Variants in ZNF423 observed in about 807,000 individuals in gnomAD.
ZNF423 encodes the protein zinc finger protein 423.
In ZNF423, 12 loss-of-function variants were observed where a neutral mutation model predicts 95.8. The observed-to-expected ratio is 0.13, with a 90% CI of 0.08 to 0.20. The LOEUF (loss-of-function observed/expected upper bound fraction) is 0.20, where lower values mean the gene tolerates loss of function less well. ZNF423 is among the 10% of genes least tolerant of loss of function. ZNF423 has a pLI of 1.00. For missense variants in ZNF423, 1,316 were observed against 1,737.1 expected (o/e 0.76, Z 4.31); for synonymous variants, 749 against 711.9 (o/e 1.05, Z -0.83).
chr16:49,786,707 G>A (rs192479206), intron 2 of ZNF423, among the ~76,000 whole-genome samples: 5 of 152,318 alleles, frequency 3.3e-5, no homozygotes, highest in East Asian at 3.9e-4. Context: ...ACTTGGGTTC[G>A]AGTCCCTGAT....
At position 49,795,422 on chromosome 16, in the gene ZNF423, C is replaced by T. The variant is rs2080355; in HGVS notation, c.41-5876G>A. Among the ~76,000 whole-genome samples, 577 of 152,316 alleles carry T rather than the reference C, an allele frequency of 3.8e-3. 3 individuals are homozygous for T. The highest frequency in any genetic ancestry group is 0.012 in the African/African-American group (498 of 41,564). On this transcript the variant is annotated intron_variant, in intron 1 of 7. Transcript: ENST00000563137. ...CGGCCTTGAGCACAAACCACTCCTG[C>T]CTGGGGTCAGGCAGGCACTGAACAG...
At chr16:49,677,292 A>AGAAGGGAAGGGAAGGGAAGGGAAGG (rs2031125070) in intron 3 of ZNF423, among the ~76,000 whole-genome samples, 1 of 81,126 alleles carries the variant, frequency 1.2e-5, no homozygotes. Context: ...AGAAGAGAAG[A>AGAAGGGAAGGGAAGGGAAGGGAAGG]GAAGAGAAGA....
chr16:49,852,524 A>G (rs2035313017), intron 1 of ZNF423, among the ~76,000 whole-genome samples: 1 of 152,158 alleles, frequency 6.6e-6, no homozygotes, highest in Non-Finnish European at 1.5e-5. Flanking sequence ...ATCGGCCGAA[A>G]TAACATCAGT....
At chr16:49,763,887 G>A (rs1384790437) in intron 2 of ZNF423, among the ~76,000 whole-genome samples, 5 of 152,156 alleles carry the variant, frequency 3.3e-5, no homozygotes, top group Non-Finnish European at 1.5e-5. Context: ...TGGGTAGCTC[G>A]TTTAAGGTTT....
At chr16:49,854,086 C>T (rs1243890251) in intron 1 of ZNF423, 2 of 985,200 alleles carry the variant, frequency 2.0e-6, no homozygotes, top group Admixed American at 1.2e-4. Flanking sequence ...AAACATCCAC[C>T]CTTCTTTCCC....
intron 3 of ZNF423, among the ~76,000 whole-genome samples, chr16:49,727,065 G>A (rs143470237): frequency 4.7e-4 from 71 of 152,194 alleles, no homozygotes; most frequent in African/African-American, 1.6e-3. Context: ...GAATGGAGAG[G>A]ACTGGATTTT....
chr16:49,768,364 C>T (rs554546535), intron 2 of ZNF423, among the ~76,000 whole-genome samples: 18 of 152,350 alleles, frequency 1.2e-4, no homozygotes, highest in South Asian at 8.3e-4. Context: ...TTAGCAGATC[C>T]GGCTCCCGCA....
chr16:49,505,509 C>T (rs1258821307), intron 7 of ZNF423, among the ~76,000 whole-genome samples: 16 of 151,914 alleles, frequency 1.1e-4, no homozygotes, highest in Non-Finnish European at 1.5e-5. Flanking sequence ...CAAGAATGGC[C>T]CCCAGCCCCT....
chr16:49,551,740 T>C lies in ZNF423; in HGVS notation c.3602-26246A>G, dbSNP rs370590720. ...CCTCGGGGGCACAGCTGAGCCAGAGTGGGTGGGGGCTGGAAGACAAGGAGC... is the reference window on the plus strand; with the variant it reads ...CCTCGGGGGCACAGCTGAGCCAGAGCGGGTGGGGGCTGGAAGACAAGGAGC... On this transcript the variant is annotated intron_variant, in intron 5 of 7. Coordinates refer to ENST00000563137, the MANE Select transcript of ZNF423 (RefSeq NM_001379286.1). 6.0e-5 allele frequency among the ~76,000 whole-genome samples: 9 copies of C among 150,884 alleles called. No individual in the cohort carries two copies. In the East Asian group the frequency reaches 1.8e-3, roughly 30 times the overall value.
chr16:49,778,590 G>A (rs368921705), intron 2 of ZNF423, among the ~76,000 whole-genome samples: 14 of 135,998 alleles, frequency 1.0e-4, no homozygotes, highest in African/African-American at 3.8e-4. Context: ...CACCAACCAC[G>A]GTGAACAAGA....
chr16:49,574,141 T>A (rs541017168), intron 5 of ZNF423, among the ~76,000 whole-genome samples: 47 of 152,296 alleles, frequency 3.1e-4, no homozygotes, highest in African/African-American at 8.7e-4. Flanking sequence ...CCCAGCTCTT[T>A]GGGAGGCTGA....
chr16:49,831,742 G>A (rs1239522773), intron 1 of ZNF423, among the ~76,000 whole-genome samples: 1 of 152,110 alleles, frequency 6.6e-6, no homozygotes, highest in Non-Finnish European at 1.5e-5. Context: ...TGTAATCCCA[G>A]CACTTTGGTA....
chr16:49,657,797 G>A (rs907529491), intron 3 of ZNF423, among the ~76,000 whole-genome samples: 3 of 152,160 alleles, frequency 2.0e-5, no homozygotes, highest in African/African-American at 7.2e-5. Context: ...TCTGTGTTCA[G>A]GGGTCCTCCC....
At chr16:49,602,455 C>T (rs1971404000) in intron 5 of ZNF423, among the ~76,000 whole-genome samples, 1 of 152,204 alleles carries the variant, frequency 6.6e-6, no homozygotes, top group Non-Finnish European at 1.5e-5. Flanking sequence ...AGAACCAGGT[C>T]AGCTGGCAGG....
chr16:49,658,169 T>C (rs1345720815), intron 3 of ZNF423, among the ~76,000 whole-genome samples: 2 of 152,238 alleles, frequency 1.3e-5, no homozygotes, highest in Non-Finnish European at 2.9e-5. Context: ...CAAGTCCTGC[T>C]GCCCTGGCCC....
Position 49,638,820 on chromosome 16 carries a change from T to C in ZNF423, c.356A>G (p.Asp119Gly). 6.2e-7 allele frequency: 1 copy of C among 1,613,722 alleles called. No homozygotes were observed. The highest frequency in any genetic ancestry group is 8.5e-7 in the Non-Finnish European group (1 of 1,179,778). ...SWVASSPSSK[D>G]VASPTQMIGD... ...GATCATCTGCGTGGGTGACGCAACA[T>C]CCTTGCTGGAGGGAGACGAGGCCAC... Residue 119 changes from aspartate to glycine, a missense_variant, in exon 4 of 8, where the codon GAT (aspartate) becomes GGT (glycine). Physicochemically the swap from Asp to Gly is moderately conservative, Grantham distance 94. Around this residue, in one of 6 missense-constraint regions of ZNF423, gnomAD observed 155 missense variants for 170.8 expected, o/e 0.91. Coordinates refer to ENST00000563137, the MANE Select transcript of ZNF423 (RefSeq NM_001379286.1). This position sits in a 1 kb window ranked among gnomAD's most constrained non-coding sequence, Gnocchi z 5.6.
chr16:49,832,217 T>C (rs762833421), intron 1 of ZNF423, among the ~76,000 whole-genome samples: 7 of 152,202 alleles, frequency 4.6e-5, no homozygotes, highest in Non-Finnish European at 1.0e-4. Flanking sequence ...GGTATTATTC[T>C]GGGCCCACTT....
intron 1 of ZNF423, among the ~76,000 whole-genome samples, chr16:49,837,383 C>G (rs1329894434): frequency 4.6e-5 from 7 of 152,196 alleles, no homozygotes; most frequent in African/African-American, 1.7e-4. Context: ...CCACAACCTA[C>G]TCCCTGGAAA....
chr16:49,697,637 C>T (rs1402874296), intron 3 of ZNF423, among the ~76,000 whole-genome samples: 1 of 152,226 alleles, frequency 6.6e-6, no homozygotes, highest in Non-Finnish European at 1.5e-5. Context: ...GGAGCAAACA[C>T]AGGGGCTCCC....
Sources: allele counts gnomAD v4.1 joint callset (sites outside exome capture counted in the v4.1 genomes callset), GRCh38; gene constraint gnomAD v4.1.1; regional missense constraint gnomAD v4.1.1; non-coding constraint Gnocchi (gnomAD v3.1); transcripts MANE v1.5; gene names NCBI Gene and HGNC (gene_info 2026-07-23, HGNC 2026-07-21).